ROBO1: variants seen among roughly 807,000 people sequenced by gnomAD.
ROBO1 encodes the protein roundabout homolog 1.
In ROBO1, 149 loss-of-function variants were observed where a neutral mutation model predicts 195.9. The observed-to-expected ratio is 0.76, with a 90% CI of 0.67 to 0.87. The LOEUF (loss-of-function observed/expected upper bound fraction) is 0.87, where lower values mean the gene tolerates loss of function less well. Ranked by LOEUF, ROBO1 falls within the 40% of genes least tolerant of loss-of-function variation. The pLI is 0.00. For missense variants in ROBO1, 1,933 were observed against 2,068.3 expected (o/e 0.93, Z 1.27); for synonymous variants, 816 against 733.2 (o/e 1.11, Z -1.82).
At chr3:78,790,474 G>A (rs1398015593) in intron 4 of ROBO1, among the ~76,000 whole-genome samples, 5 of 152,044 alleles carry the variant, frequency 3.3e-5, no homozygotes, top group Non-Finnish European at 5.9e-5. Flanking sequence ...AAACAATCCA[G>A]TTATACTCTC....
At chr3:78,694,423 T>C (rs1015378386) in intron 8 of ROBO1, among the ~76,000 whole-genome samples, 7 of 152,170 alleles carry the variant, frequency 4.6e-5, no homozygotes, top group African/African-American at 1.7e-4. Context: ...AAAGCAAAGA[T>C]AAAATTTCTC....
chr3:79,733,133 G>A (rs1003239572), intron 1 of ROBO1, among the ~76,000 whole-genome samples: 2 of 152,114 alleles, frequency 1.3e-5, no homozygotes, highest in Non-Finnish European at 2.9e-5. Context: ...CGATAAATCC[G>A]CAAGGGCTAC....
intron 2 of ROBO1, 47 bp from the exon 3 acceptor site, chr3:79,125,586 A>T: frequency 7.0e-7 from 1 of 1,433,868 alleles, no homozygotes; most frequent in Non-Finnish European, 9.8e-7. Context: ...CAGTAGTAAC[A>T]GTAGTTGCCA....
intron 2 of ROBO1, among the ~76,000 whole-genome samples, chr3:79,128,512 G>T (rs1576710856): frequency 1.3e-5 from 2 of 152,142 alleles, no homozygotes; most frequent in Non-Finnish European, 2.9e-5. Flanking sequence ...GATGTAAATT[G>T]TATTTTCTGC....
At chr3:79,273,425 A>T (rs1206250170) in intron 2 of ROBO1, among the ~76,000 whole-genome samples, 2 of 152,200 alleles carry the variant, frequency 1.3e-5, no homozygotes, top group South Asian at 2.1e-4. Context: ...CATGCAATAA[A>T]TGTTAAGTTG....
chr3:79,466,542 A>T (rs1054750439), intron 2 of ROBO1, among the ~76,000 whole-genome samples: 2 of 152,158 alleles, frequency 1.3e-5, no homozygotes, highest in African/African-American at 4.8e-5. Flanking sequence ...GAAGAGTTCT[A>T]TCAGGCAATA....
intron 3 of ROBO1, among the ~76,000 whole-genome samples, chr3:79,068,230 A>T (rs2079033897): frequency 1.3e-5 from 2 of 151,870 alleles, no homozygotes; most frequent in Non-Finnish European, 1.5e-5. Flanking sequence ...TGCTGAACAC[A>T]TAGATTAAGG....
intron 2 of ROBO1, among the ~76,000 whole-genome samples, chr3:79,135,917 C>T (rs545291723): frequency 3.3e-5 from 5 of 152,194 alleles, no homozygotes; most frequent in African/African-American, 1.2e-4. Context: ...GATTTACAGG[C>T]GTGAGCCACC....
chr3:79,391,223 T>C (rs975154698), intron 2 of ROBO1, among the ~76,000 whole-genome samples: 2 of 151,544 alleles, frequency 1.3e-5, no homozygotes, highest in South Asian at 4.2e-4. Context: ...AGCCCAAGAG[T>C]TGGAGGCTAT....
intron 2 of ROBO1, among the ~76,000 whole-genome samples, chr3:79,127,985 T>C (rs920109670): frequency 6.6e-6 from 1 of 152,204 alleles, no homozygotes; most frequent in Non-Finnish European, 1.5e-5. Context: ...TTTTAGCTGC[T>C]TTGCTAATTT....
Position 79,504,633 on chromosome 3 carries a change from T to C in ROBO1, c.88+85191A>G, listed in dbSNP as rs141668151. ...ATTTCAGTATTGTTTTAGGTGACCA[T>C]TGGCAGACTCATAATTTGAACTAAT... is the stretch of plus-strand genomic sequence containing the variant. On this transcript the variant is annotated intron_variant, in intron 2 of 30. Transcript: ENST00000464233. Among the ~76,000 whole-genome samples the C allele has an allele frequency of 2.2e-4, 34 of 152,322 alleles. 1 individual carries two copies. The East Asian group carries it at 6.6e-3, about 29-fold the overall frequency.
intron 2 of ROBO1, among the ~76,000 whole-genome samples, chr3:79,135,217 T>C (rs1053446390): frequency 6.6e-6 from 1 of 152,170 alleles, no homozygotes; most frequent in Non-Finnish European, 1.5e-5. Context: ...AAGTGAAAAA[T>C]TGTTGGAAGA....
chr3:79,683,027 A>T (rs1946995245), intron 1 of ROBO1, among the ~76,000 whole-genome samples: 1 of 152,084 alleles, frequency 6.6e-6, no homozygotes, highest in African/African-American at 2.4e-5. Flanking sequence ...TAATCATATC[A>T]GTCCTAGTCT....
intron 2 of ROBO1, among the ~76,000 whole-genome samples, chr3:79,143,642 CT>C (rs1436243262): frequency 6.6e-6 from 1 of 151,970 alleles, no homozygotes; most frequent in African/African-American, 2.4e-5. Context: ...ACCATAAAAA[CT>C]TTTCAAATTT....
chr3:79,498,292 G>T (rs560823376), intron 2 of ROBO1, among the ~76,000 whole-genome samples: 1 of 150,924 alleles, frequency 6.6e-6, no homozygotes, highest in Admixed American at 6.6e-5. Flanking sequence ...AATTTATACC[G>T]CCATATGGAA....
At chr3:79,743,593 T>A (rs1414842962) in intron 1 of ROBO1, among the ~76,000 whole-genome samples, 1 of 152,188 alleles carries the variant, frequency 6.6e-6, no homozygotes. Flanking sequence ...TACTGAAACT[T>A]TTTTCTTTGT....
intron 2 of ROBO1, among the ~76,000 whole-genome samples, chr3:79,416,991 G>A (rs888398001): frequency 1.1e-4 from 16 of 152,204 alleles, no homozygotes; most frequent in African/African-American, 3.4e-4. Flanking sequence ...AAACTCTGAC[G>A]TTTGAGAGGA....
intron 8 of ROBO1, among the ~76,000 whole-genome samples, chr3:78,708,190 G>A (rs1286248431): frequency 6.6e-6 from 1 of 152,126 alleles, no homozygotes; most frequent in Non-Finnish European, 1.5e-5. Flanking sequence ...GGAATCACAA[G>A]AAATCTTAGA....
At chr3:79,338,765 T>C (rs982093103) in intron 2 of ROBO1, among the ~76,000 whole-genome samples, 2 of 152,218 alleles carry the variant, frequency 1.3e-5, no homozygotes, top group Non-Finnish European at 2.9e-5. Context: ...GGCTATTTCT[T>C]CTATTATTGT....
Sources: gnomAD v4.1 joint callset for allele counts (sites outside exome capture counted in the v4.1 genomes callset) on GRCh38, gnomAD v4.1.1 for gene constraint, MANE v1.5 for transcripts, NCBI Gene and HGNC (gene_info 2026-07-23, HGNC 2026-07-21) for gene names.